Variants in GALNT16 observed in about 807,000 individuals in gnomAD.
The protein encoded by GALNT16 is UDP-GalNAc:polypeptide N-acetylgalactosaminyltransferase-like protein 1.
In GALNT16, 40 loss-of-function variants were observed where a neutral mutation model predicts 76.1. The observed-to-expected ratio is 0.53, with a 90% CI of 0.41 to 0.68. The LOEUF (loss-of-function observed/expected upper bound fraction) is 0.68, where lower values mean the gene tolerates loss of function less well. Among genes scored for constraint, GALNT16 ranks in the 30% least tolerant of loss-of-function variants. GALNT16 has a pLI of 0.00. For synonymous variants in GALNT16, 276 were observed against 285.2 expected (o/e 0.97, Z 0.32); for missense variants, 621 against 731.9 (o/e 0.85, Z 1.75).
intron 9 of GALNT16, among the ~76,000 whole-genome samples, chr14:69,335,915 A>G (rs1470429028): frequency 1.3e-5 from 2 of 152,104 alleles, no homozygotes; most frequent in Non-Finnish European, 2.9e-5. Flanking sequence ...CCCAACAAAG[A>G]TGTGTTGGGG....
chr14:69,285,093 T>TG (rs1261742234), intron 1 of GALNT16, among the ~76,000 whole-genome samples: 2 of 140,654 alleles, frequency 1.4e-5, no homozygotes, highest in Non-Finnish European at 3.0e-5. Context: ...CAGGCTGGAG[T>TG]GGGGCAGCAA....
chr14:69,298,341 C>G (rs72625671), intron 1 of GALNT16, among the ~76,000 whole-genome samples: 10,670 of 152,244 alleles, frequency 0.07, 655 homozygotes, highest in East Asian at 0.31. Context: ...CCTCCTTCAG[C>G]TTGTAGATAG....
At chr14:69,283,227 T>C (rs948408809) in intron 1 of GALNT16, among the ~76,000 whole-genome samples, 2 of 151,892 alleles carry the variant, frequency 1.3e-5, no homozygotes, top group African/African-American at 2.4e-5. Context: ...ATTAGTACGA[T>C]CCACAAATGA....
rs58574638 is a variant in GALNT16 at position 69,347,316 on chromosome 14, G to A, written c.1413+135G>A. 847 of 773,128 alleles carry A rather than the reference G, an allele frequency of 1.1e-3. 15 individuals carry two copies. The East Asian group carries it at 0.023, about 21-fold the overall frequency. The allele number at this position is 773,128 out of a possible 1,614,324, so 47.9% of individuals were successfully genotyped here. A position where few individuals can be genotyped will look rare whatever the true frequency, so the allele number is the denominator to read the frequency against. ...AAACCCACTTTGCCAGGGGCCCCTA[G>A]ACCCTGCTCCTACACATTCATATCC... On this transcript the variant is annotated intron_variant, in intron 13 of 14. Transcript: ENST00000448469.
intron 1 of GALNT16, among the ~76,000 whole-genome samples, chr14:69,307,542 T>C (rs2140146773): frequency 6.6e-6 from 1 of 152,272 alleles, no homozygotes; most frequent in Non-Finnish European, 1.5e-5. Flanking sequence ...CATGACCCGA[T>C]GTGCTTGACA....
At chr14:69,260,959 G>T (rs975848391) in intron 1 of GALNT16, among the ~76,000 whole-genome samples, 15 of 152,178 alleles carry the variant, frequency 9.9e-5, no homozygotes, top group Non-Finnish European at 2.1e-4. Flanking sequence ...CTCTCTAGGC[G>T]CTGCGCCTGG....
In GALNT16 at chr14:69,347,006, A is replaced by G. The variant is rs767436575; in HGVS notation, c.1272-34A>G. On this transcript the variant is annotated intron_variant, in intron 12 of 14. Transcript: ENST00000448469. ...AGGGTGTAGGTAAGCCTTGGGGGGGAAAGCACAAGCCTGACTGCTGCCTTT... is the reference window on the plus strand; with the variant it reads ...AGGGTGTAGGTAAGCCTTGGGGGGGGAAGCACAAGCCTGACTGCTGCCTTT... 18 of 1,613,140 alleles carry G rather than the reference A, an allele frequency of 1.1e-5. No individual in the cohort carries two copies. In the East Asian group the frequency reaches 1.8e-4, roughly 16 times the overall value.
chr14:69,347,252 T>G, intron 13 of GALNT16, 71 bp downstream of exon 13: 9 of 1,382,128 alleles, frequency 6.5e-6, no homozygotes, highest in Non-Finnish European at 8.8e-6. Flanking sequence ...GTGAGGGACT[T>G]CCCCCTACTC....
intron 5 of GALNT16, among the ~76,000 whole-genome samples, chr14:69,327,471 C>T (rs2045300581): frequency 6.6e-6 from 1 of 152,234 alleles, no homozygotes; most frequent in South Asian, 2.1e-4. Context: ...CTTCCCAAGC[C>T]ACTGGGCTGT....
chr14:69,331,129 G>GT, intron 6 of GALNT16, among the ~76,000 whole-genome samples: 1 of 152,356 alleles, frequency 6.6e-6, no homozygotes, highest in Middle Eastern at 3.4e-3. Context: ...GGCTGTCATT[G>GT]TAAGAGTAGC....
intron 2 of GALNT16, among the ~76,000 whole-genome samples, chr14:69,321,724 C>T (rs1029316407): frequency 2.6e-5 from 4 of 152,198 alleles, no homozygotes; most frequent in African/African-American, 9.6e-5. Context: ...TGGCTCACTT[C>T]GAGGACACTT....
At chr14:69,301,629 G>T (rs1271156888) in intron 1 of GALNT16, among the ~76,000 whole-genome samples, 1 of 152,048 alleles carries the variant, frequency 6.6e-6, no homozygotes, top group African/African-American at 2.4e-5. Flanking sequence ...GTGAACTACT[G>T]CACCCAGCCC....
chr14:69,361,572 C>G (rs1288817565), downstream of GALNT16, among the ~76,000 whole-genome samples: 1 of 152,230 alleles, frequency 6.6e-6, no homozygotes, highest in African/African-American at 2.4e-5. Context: ...CTGTGCAAAG[C>G]TCTAACAGGC....
intron 1 of GALNT16, among the ~76,000 whole-genome samples, chr14:69,297,111 A>G (rs1216757977): frequency 1.3e-5 from 2 of 152,352 alleles, no homozygotes; most frequent in East Asian, 3.9e-4. Flanking sequence ...ATTGCCTTGT[A>G]CATATGTCAT....
intron 1 of GALNT16, among the ~76,000 whole-genome samples, chr14:69,302,208 G>A (rs1222125488): frequency 2.0e-5 from 3 of 152,070 alleles, no homozygotes; most frequent in Non-Finnish European, 4.4e-5. Flanking sequence ...ATTTTTAATA[G>A]TGATTCTTTT....
At chr14:69,367,890 G>A in the GALNT16 span, among the ~76,000 whole-genome samples, 1 of 152,080 alleles carries the variant, frequency 6.6e-6, no homozygotes, top group Admixed American at 6.5e-5. Flanking sequence ...CTACTTGGGA[G>A]GCTGAGGTGC....
chr14:69,260,151 CA>C, upstream of GALNT16: 1 of 198,276 alleles, frequency 5.0e-6, no homozygotes, highest in Non-Finnish European at 1.0e-5. Context: ...CCCGCCCCCC[CA>C]CCTCTCTCCT....
chr14:69,260,008 G>C (rs1459676582), upstream of GALNT16: 2 of 346,066 alleles, frequency 5.8e-6, no homozygotes, highest in African/African-American at 4.4e-5. Context: ...TGGTGGGTCA[G>C]CCGGCGGCGG....
chr14:69,286,119 C>G (rs935770689), intron 1 of GALNT16, among the ~76,000 whole-genome samples: 4 of 152,124 alleles, frequency 2.6e-5, no homozygotes, highest in African/African-American at 9.7e-5. Context: ...TGGCCAGGTG[C>G]TCAGAACCAC....
Sources: gnomAD v4.1 joint callset for allele counts (sites outside exome capture counted in the v4.1 genomes callset) on GRCh38, gnomAD v4.1.1 for gene constraint, MANE v1.5 for transcripts, NCBI Gene and HGNC (gene_info 2026-07-23, HGNC 2026-07-21) for gene names.